PRKRA: variants seen among roughly 807,000 people sequenced by gnomAD.
The protein encoded by PRKRA is protein activator of interferon induced protein kinase EIF2AK2.
Under a neutral mutation model 32.4 loss-of-function variants are expected in PRKRA, and 22 were observed. That is an observed-to-expected ratio of 0.68 (90% CI 0.49 to 0.97). The LOEUF (loss-of-function observed/expected upper bound fraction) is 0.97, where lower values mean the gene tolerates loss of function less well. Among genes scored for constraint, PRKRA ranks in the 50% least tolerant of loss-of-function variants. The pLI, the probability that PRKRA is intolerant of heterozygous loss-of-function variation, is 0.00. For missense variants in PRKRA, 319 were observed against 375.6 expected, an observed-to-expected ratio of 0.85 and a Z score of 1.25; for synonymous variants, 139 against 129.8, an observed-to-expected ratio of 1.07 and a Z score of -0.48.
In PRKRA at chr2:178,443,329, C is replaced by T; in HGVS notation, c.452G>A (p.Gly151Glu). 1 of 1,613,484 alleles carries T rather than the reference C, an allele frequency of 6.2e-7. No homozygotes were observed. Among genetic ancestry groups the T allele is most frequent in the Non-Finnish European group, 8.5e-7 (1 of 1,179,466 alleles). ...RLPEYTLSQE[G>E]GPAHKREYTT... ...ATATTCTCTCTTATGAGCAGGTCCTCCCTCCTGGGAAAGGGTATATTCAGG... is the reference window on the plus strand; with the variant it reads ...ATATTCTCTCTTATGAGCAGGTCCTTCCTCCTGGGAAAGGGTATATTCAGG... The change falls in exon 5 of 8, where the codon GGA (glycine) becomes GAA (glutamate). Residue 151 changes from glycine (G) to glutamate (E), a missense_variant. By Grantham distance (98) the Gly-to-Glu change is moderately conservative (BLOSUM62 -2). Coordinates refer to ENST00000325748, the MANE Select transcript of PRKRA (RefSeq NM_003690.5).
At chr2:178,448,982 G>T (rs973727139) in intron 2 of PRKRA, among the ~76,000 whole-genome samples, 1 of 152,230 alleles carries the variant, frequency 6.6e-6, no homozygotes, top group African/African-American at 2.4e-5. Context: ...TCCAGGCAAA[G>T]ATGCTCAGCA....
chr2:178,450,563 T>C lies in PRKRA; in HGVS notation c.66-152A>G, dbSNP rs578077376. The C allele has an allele frequency of 7.1e-5, 108 of 1,524,760 alleles. No homozygotes were observed. The South Asian group carries it at 1.3e-3, about 18-fold the overall frequency. The allele number at this position is 1,524,760 out of a possible 1,614,324, so 94.5% of individuals were successfully genotyped here. A position where few individuals can be genotyped will look rare whatever the true frequency, so the allele number is the denominator to read the frequency against. ...AGAGCTGGCGAGGCTGGGGCGCACCTGTCTTCCGGCCCCGCTGCGGCAGTC... is the reference window on the plus strand; with the variant it reads ...AGAGCTGGCGAGGCTGGGGCGCACCCGTCTTCCGGCCCCGCTGCGGCAGTC... On this transcript the variant is annotated intron_variant, in intron 1 of 7. Coordinates refer to ENST00000325748, the MANE Select transcript of PRKRA (RefSeq NM_003690.5).
chr2:178,446,620 A>G (rs1697320463), intron 3 of PRKRA, among the ~76,000 whole-genome samples: 1 of 152,190 alleles, frequency 6.6e-6, no homozygotes, highest in Non-Finnish European at 1.5e-5. Flanking sequence ...AAGTGTATGC[A>G]CAAGAAGAAC....
chr2:178,447,304 C>A (rs1358478295), intron 3 of PRKRA: 2 of 873,840 alleles, frequency 2.3e-6, no homozygotes, highest in Non-Finnish European at 3.4e-6. Flanking sequence ...TTCATGAGCA[C>A]CTTCATTTAA....
At position 178,436,301 on chromosome 2, in the gene PRKRA, A is replaced by T; in HGVS notation, c.628T>A (p.Ser210Thr). ...AAGGAATGCCAAGTACATCCTAAAGAATGTCCTACTACATTTGTCTGAAAA... is the reference window on the plus strand; with the variant it reads ...AAGGAATGCCAAGTACATCCTAAAGTATGTCCTACTACATTTGTCTGAAAA... ...HISLTNVVGH[S>T]LGCTWHSLRN... is the part of the protein sequence containing the mutation. Residue 210 changes from serine (S) to threonine (T), a missense_variant, in exon 7 of 8, where the codon TCT (serine) becomes ACT (threonine). Physicochemically the swap from Ser to Thr is moderately conservative, Grantham distance 58 (BLOSUM62 1). Coordinates refer to ENST00000325748, the MANE Select transcript of PRKRA (RefSeq NM_003690.5). 1.2e-6 allele frequency: 2 copies of T among 1,613,878 alleles called. No individual in the cohort carries two copies. The highest frequency in any genetic ancestry group is 8.5e-7 in the Non-Finnish European group (1 of 1,179,878).
At chr2:178,439,906 A>C (rs1486663246) in intron 6 of PRKRA, 1 of 152,126 alleles carries the variant, frequency 6.6e-6, no homozygotes, top group Non-Finnish European at 1.5e-5. Flanking sequence ...CTATATCATT[A>C]TTTTAATATT....
At chr2:178,449,632 G>T (rs1967327) in intron 2 of PRKRA, among the ~76,000 whole-genome samples, 1 of 152,042 alleles carries the variant, frequency 6.6e-6, no homozygotes, top group African/African-American at 2.4e-5. Context: ...ATTGCTATAC[G>T]CATGTTACTT....
At chr2:178,440,930 T>C (rs1004736455) in intron 6 of PRKRA, among the ~76,000 whole-genome samples, 2 of 152,208 alleles carry the variant, frequency 1.3e-5, no homozygotes, top group African/African-American at 2.4e-5. Context: ...GCTGGCCTCA[T>C]TGAGACTCCC....
At chr2:178,439,624 G>C (rs774428916) in intron 6 of PRKRA, 16 of 151,962 alleles carry the variant, frequency 1.1e-4, no homozygotes, top group Admixed American at 6.6e-4. Context: ...TAATTGGTGG[G>C]TACTTCTAGA....
At chr2:178,449,005 T>C (rs1461405093) in intron 2 of PRKRA, among the ~76,000 whole-genome samples, 1 of 152,214 alleles carries the variant, frequency 6.6e-6, no homozygotes, top group Non-Finnish European at 1.5e-5. Context: ...CACAGACTGA[T>C]ACACTATTCT....
intron 6 of PRKRA, 56 bp downstream of exon 6, chr2:178,441,554 T>A: frequency 9.5e-7 from 1 of 1,053,420 alleles, no homozygotes; most frequent in Non-Finnish European, 1.3e-6. Context: ...AAGGAAAGTT[T>A]CCTACTGCAA....
intron 7 of PRKRA, chr2:178,434,109 C>G (rs1696783100): frequency 6.6e-6 from 1 of 151,586 alleles, no homozygotes; most frequent in Non-Finnish European, 1.5e-5. Flanking sequence ...TCATCAGCCA[C>G]CTTTTCTTTT....
At chr2:178,448,475 G>T (rs1026261452) in intron 2 of PRKRA, among the ~76,000 whole-genome samples, 1 of 152,136 alleles carries the variant, frequency 6.6e-6, no homozygotes, top group Non-Finnish European at 1.5e-5. Flanking sequence ...ATAGGCACCT[G>T]AAGTATGGAA....
At position 178,447,600 on chromosome 2, in the gene PRKRA, T is replaced by TA. The variant is rs760658905; in HGVS notation, c.236-15dup. On this transcript the variant is annotated splice_polypyrimidine_tract_variant and intron_variant, in intron 2 of 7. Transcript: ENST00000325748. ...TTGTACCTTCACCTGAATTAAGATT[T>TA]AAAAAAAGAAGTCTTTATCTCCCAC... 1 of 794,736 alleles carries TA rather than the reference T, an allele frequency of 1.3e-6. No individual in the cohort carries two copies. Among genetic ancestry groups the TA allele is most frequent in the Non-Finnish European group, 1.8e-6 (1 of 550,162 alleles). 49.2% of individuals were successfully genotyped at this position (794,736 alleles called of 1,614,324 possible).
chr2:178,445,941 A>T (rs982279623), intron 3 of PRKRA: 1 of 152,382 alleles, frequency 6.6e-6, no homozygotes, highest in Non-Finnish European at 1.5e-5. Flanking sequence ...CATGTTGGCC[A>T]GGCTGGTCTC....
At chr2:178,432,292 A>G (rs776530633) in intron 7 of PRKRA, 38 bp from the exon 8 acceptor site, 7 of 882,364 alleles carry the variant, frequency 7.9e-6, no homozygotes, top group Non-Finnish European at 1.1e-5. Context: ...TTAATGTCCA[A>G]TATGTATAAA....
chr2:178,436,762 G>GA (rs953710754), intron 6 of PRKRA, among the ~76,000 whole-genome samples: 179 of 147,658 alleles, frequency 1.2e-3, no homozygotes, highest in Middle Eastern at 3.4e-3. Context: ...TATCAAACAG[G>GA]AAAAAAAACA....
intron 6 of PRKRA, among the ~76,000 whole-genome samples, chr2:178,441,288 T>A (rs568028841): frequency 2.6e-4 from 38 of 145,894 alleles, no homozygotes; most frequent in African/African-American, 9.1e-4. Flanking sequence ...AAATGTTTGC[T>A]AAGTGAATGA....
intron 6 of PRKRA, chr2:178,439,353 A>G (rs2154124936): frequency 6.6e-6 from 1 of 152,344 alleles, no homozygotes; most frequent in Non-Finnish European, 1.5e-5. Context: ...CTCCACCTTC[A>G]GGTCCCCTTC....
Sources: gnomAD v4.1 joint callset for allele counts (sites outside exome capture counted in the v4.1 genomes callset) on GRCh38, gnomAD v4.1.1 for gene constraint, MANE v1.5 for transcripts, NCBI Gene and HGNC (gene_info 2026-07-23, HGNC 2026-07-21) for gene names.